The following LTF variants were observed in gnomAD, a reference collection of about 807,000 sequenced individuals.
LTF encodes the protein epididymis luminal protein 110.
A neutral mutation model predicts 87.2 loss-of-function variants in LTF; 91 were observed. The ratio of observed to expected loss-of-function variants is 1.04; its 90% CI spans 0.88 to 1.24. The LOEUF (loss-of-function observed/expected upper bound fraction) is 1.24. Among genes scored for constraint, LTF ranks in the 50% most tolerant of loss-of-function variants. The pLI, the probability that LTF is intolerant of heterozygous loss-of-function variation, is 0.00. For synonymous variants in LTF, 378 were observed against 356.1 expected (o/e 1.06, Z -0.69); for missense variants, 901 against 904.3 (o/e 1.00, Z 0.05).
At chr3:46,437,170 A>T (rs895924554) in intron 16 of LTF, among the ~76,000 whole-genome samples, 1 of 152,236 alleles carries the variant, frequency 6.6e-6, no homozygotes, top group Non-Finnish European at 1.5e-5. Flanking sequence ...CGGGAGCCTT[A>T]CAATACTCTG....
chr3:46,454,252 G>A, intron 6 of LTF, 53 bp downstream of exon 6: 1 of 1,513,654 alleles, frequency 6.6e-7, no homozygotes, highest in Non-Finnish European at 9.2e-7. Flanking sequence ...TCAGAGTCAT[G>A]ATCAAGTAAG....
chr3:46,467,698 T>C (rs538522868), upstream of LTF, among the ~76,000 whole-genome samples: 10 of 150,040 alleles, frequency 6.7e-5, no homozygotes, highest in South Asian at 2.1e-3. Flanking sequence ...CCTAGGCTGG[T>C]ATGCAGTGGT....
intron 5 of LTF, among the ~76,000 whole-genome samples, chr3:46,455,031 T>C (rs1165954518): frequency 6.6e-6 from 1 of 152,132 alleles, no homozygotes; most frequent in African/African-American, 2.4e-5. Context: ...GATTCAGGGC[T>C]CTCTGAGGTA....
At chr3:46,467,468 T>C (rs1444455816), upstream of LTF, among the ~76,000 whole-genome samples, 1 of 151,952 alleles carries the variant, frequency 6.6e-6, no homozygotes, top group Non-Finnish European at 1.5e-5. Context: ...AGATTTAGCC[T>C]GGGTACCTGA....
In LTF at chr3:46,448,947, C is replaced by G; in HGVS notation, c.1128G>C (p.Lys376Asn). ...CGCTCAAGCCACTCCACTGGTTACA[C>G]TTGCGCAGCTCCTGCTCGCCCACCG... Reference protein sequence around the residue: ...WCAVGEQELRKCNQWSGLSEG... With the variant: ...WCAVGEQELRNCNQWSGLSEG... Residue 376 changes from lysine to asparagine, a missense_variant, in exon 9 of 17, where the codon AAG becomes AAC. Physicochemically the swap from Lys to Asn is moderately conservative, Grantham distance 94. Coordinates refer to ENST00000231751, the MANE Select transcript of LTF (RefSeq NM_002343.6). The G allele has an allele frequency of 6.2e-7, 1 of 1,613,768 alleles. No homozygotes were observed. The highest frequency in any genetic ancestry group is 8.5e-7 in the Non-Finnish European group (1 of 1,179,928).
At chr3:46,443,402 G>A in intron 13 of LTF, 39 bp downstream of exon 13, 1 of 1,611,438 alleles carries the variant, frequency 6.2e-7, no homozygotes, top group South Asian at 1.1e-5. Flanking sequence ...GAGGGATGAG[G>A]TAAGTCCCCA....
intron 9 of LTF, 59 bp downstream of exon 9, chr3:46,448,804 G>A (rs1188036034): frequency 6.3e-7 from 1 of 1,583,356 alleles, no homozygotes; most frequent in Non-Finnish European, 8.6e-7. Context: ...TTAAGCAGAT[G>A]CCCAGGCCCT....
chr3:46,444,236 T>C (rs1452289183), intron 12 of LTF, among the ~76,000 whole-genome samples: 1 of 152,174 alleles, frequency 6.6e-6, no homozygotes, highest in Non-Finnish European at 1.5e-5. Context: ...GCCACACAAA[T>C]GGCAGAGTAG....
At chr3:46,457,109 C>A (rs1702957838) in intron 2 of LTF, among the ~76,000 whole-genome samples, 1 of 152,250 alleles carries the variant, frequency 6.6e-6, no homozygotes, top group Non-Finnish European at 1.5e-5. Context: ...GTCATGCTCA[C>A]TGGCCCTCTG....
chr3:46,458,414 G>A (rs549484074), intron 2 of LTF, among the ~76,000 whole-genome samples: 15 of 152,312 alleles, frequency 9.8e-5, no homozygotes, highest in Admixed American at 3.9e-4. Flanking sequence ...GAGATCAGAC[G>A]AGATCAGACG....
chr3:46,436,446 C>T (rs1702388760), intron 16 of LTF, among the ~76,000 whole-genome samples: 1 of 152,178 alleles, frequency 6.6e-6, no homozygotes, highest in Admixed American at 6.5e-5. Context: ...GGGTGTTTCC[C>T]TGCTCTGGCC....
chr3:46,471,856 G>C (rs895058418), intron 1 of LTF, among the ~76,000 whole-genome samples: 1 of 152,184 alleles, frequency 6.6e-6, no homozygotes. Context: ...GAGAGTATCA[G>C]GGCAGTGCCA....
chr3:46,459,797 C>T lies in LTF; in HGVS notation c.66G>A (p.Arg22=), dbSNP rs80337381. The stretch of plus-strand genomic sequence containing the variant: ...ATACGGCGCACCACTGAACACTCCT[C>T]CTACGGCCAGCCAGACACAGTCCTG... The part of the protein sequence containing the change: ...GALGLCLAGR[R]RSVQWCAVSQ... Residue 22 remains arginine, a synonymous_variant, in exon 2 of 17, where the codon AGG becomes AGA. Coordinates refer to ENST00000231751, the MANE Select transcript of LTF (RefSeq NM_002343.6). 1 of 1,050,214 alleles carries T rather than the reference C, an allele frequency of 9.5e-7. No homozygotes were observed. The highest frequency in any genetic ancestry group is 1.3e-6 in the Non-Finnish European group (1 of 798,684). The allele number at this position is 1,050,214 out of a possible 1,614,324, so 65.1% of individuals were successfully genotyped here. A position where few individuals can be genotyped will look rare whatever the true frequency, so the allele number is the denominator to read the frequency against.
chr3:46,453,412 T>C (rs1702848957), intron 6 of LTF, among the ~76,000 whole-genome samples: 1 of 151,966 alleles, frequency 6.6e-6, no homozygotes, highest in Non-Finnish European at 1.5e-5. Flanking sequence ...GTGGGGTCTG[T>C]CTCTGGTGGC....
intron 1 of LTF, among the ~76,000 whole-genome samples, chr3:46,475,614 C>T (rs1245406490): frequency 2.0e-5 from 3 of 151,682 alleles, no homozygotes; most frequent in Admixed American, 6.6e-5. Flanking sequence ...AAGGCATTAC[C>T]ATGGGAACCA....
intron 2 of LTF, among the ~76,000 whole-genome samples, chr3:46,458,849 C>T (rs912145500): frequency 1.2e-4 from 18 of 152,224 alleles, no homozygotes; most frequent in African/African-American, 4.3e-4. Context: ...GCTGAAATTA[C>T]GGGCGTGAGC....
chr3:46,448,968 C>T lies in LTF; in HGVS notation c.1107G>A (p.Val369=). The T allele has an allele frequency of 1.9e-6, 3 of 1,613,456 alleles. No homozygotes were observed. Among genetic ancestry groups the T allele is most frequent in the Non-Finnish European group, 2.5e-6 (3 of 1,179,864 alleles). The change falls in exon 9 of 17, where the codon GTG becomes GTA. Residue 369 remains valine (V), a synonymous_variant. Coordinates refer to ENST00000231751, the MANE Select transcript of LTF (RefSeq NM_002343.6). ...TACACTTGCGCAGCTCCTGCTCGCC[C>T]ACCGCACACCACACGACCCGCGCAC... The part of the protein sequence containing the change: ...ARRARVVWCA[V]GEQELRKCNQ...
In LTF at chr3:46,445,392, T is replaced by A. The variant is rs776583505; in HGVS notation, c.1402A>T (p.Thr468Ser). The A allele has an allele frequency of 2.5e-6, 4 of 1,613,732 alleles. No individual in the cohort carries two copies. Among genetic ancestry groups the A allele is most frequent in the Non-Finnish European group, 3.4e-6 (4 of 1,179,860 alleles). ...AVVRRSDTSL[T>S]WNSVKGKKSC... ...TTCTTGCCTTTCACAGAGTTCCAGG[T>A]AAGGCTAGTGTCTGATCTCCTAACC... is the stretch of plus-strand genomic sequence containing the variant. Residue 468 changes from threonine (T) to serine (S), a missense_variant, in exon 12 of 17, where the codon ACC (threonine) becomes TCC (serine). Thr to Ser is a moderately conservative substitution (Grantham distance 58). Transcript: ENST00000231751.
At chr3:46,448,167 G>A (rs1031939487) in intron 9 of LTF, among the ~76,000 whole-genome samples, 10 of 152,004 alleles carry the variant, frequency 6.6e-5, no homozygotes, top group Admixed American at 5.2e-4. Context: ...AGTTCGAGAC[G>A]AGCCTGGGCA....
Sources: allele counts gnomAD v4.1 joint callset (sites outside exome capture counted in the v4.1 genomes callset), GRCh38; gene constraint gnomAD v4.1.1; transcripts MANE v1.5; gene names NCBI Gene and HGNC (gene_info 2026-07-23, HGNC 2026-07-21).